Variants in FER observed in about 807,000 individuals in gnomAD.
The protein encoded by FER is tyrosine-protein kinase Fer.
Under a neutral mutation model 111.0 loss-of-function variants are expected in FER, and 63 were observed. That is an observed-to-expected ratio of 0.57 (90% CI 0.46 to 0.70). The LOEUF (loss-of-function observed/expected upper bound fraction) is 0.70, where lower values mean the gene tolerates loss of function less well. Ranked by LOEUF, FER falls within the 30% of genes least tolerant of loss-of-function variation. FER has a pLI of 0.00. For missense variants in FER, 914 were observed against 954.0 expected, an observed-to-expected ratio of 0.96 and a Z score of 0.55; for synonymous variants, 327 against 313.9, an observed-to-expected ratio of 1.04 and a Z score of -0.44.
At chr5:109,187,408 TG>T (rs749700267) in intron 19 of FER, 24 bp from the exon 20 acceptor site, 2 of 1,607,450 alleles carry the variant, frequency 1.2e-6, no homozygotes, top group Non-Finnish European at 1.7e-6. Flanking sequence ...TTCTAAATTC[TG>T]TTCTCCTTCT....
chr5:109,147,507 A>G (rs879506961), intron 17 of FER, among the ~76,000 whole-genome samples: 34 of 152,174 alleles, frequency 2.2e-4, no homozygotes, highest in Admixed American at 2.2e-3. Context: ...TTTTCAAAAA[A>G]AGAAAAAAAT....
chr5:108,924,710 G>A (rs1753504213), intron 10 of FER: 1 of 1,232,054 alleles, frequency 8.1e-7, no homozygotes, highest in Non-Finnish European at 1.0e-6. Flanking sequence ...CTGGAGTCTG[G>A]TTTCGGCTCC....
intron 3 of FER, among the ~76,000 whole-genome samples, chr5:108,823,690 A>G (rs1021919368): frequency 6.6e-6 from 1 of 152,100 alleles, no homozygotes; most frequent in Non-Finnish European, 1.5e-5. Context: ...TTCCCTTATT[A>G]GATATATAAT....
chr5:108,943,326 G>A (rs895271553), intron 10 of FER, among the ~76,000 whole-genome samples: 3 of 152,138 alleles, frequency 2.0e-5, no homozygotes, highest in African/African-American at 7.2e-5. Flanking sequence ...TTCTGATGTG[G>A]AAACTGAGAG....
At chr5:108,916,863 G>A (rs1262854024) in intron 10 of FER, among the ~76,000 whole-genome samples, 1 of 151,848 alleles carries the variant, frequency 6.6e-6, no homozygotes, top group East Asian at 1.9e-4. Context: ...TAGACTTTTT[G>A]GATAACTGCC....
chr5:109,110,812 C>T (rs575182957), intron 17 of FER, among the ~76,000 whole-genome samples: 13 of 152,122 alleles, frequency 8.5e-5, no homozygotes, highest in East Asian at 1.9e-4. Context: ...ACAATTTTAA[C>T]GTATTACTCC....
At chr5:108,934,733 G>A (rs1755211035) in intron 10 of FER, among the ~76,000 whole-genome samples, 1 of 152,120 alleles carries the variant, frequency 6.6e-6, no homozygotes. Context: ...TGCTACTGCT[G>A]AGCTGTAAAT....
intron 3 of FER, among the ~76,000 whole-genome samples, chr5:108,815,186 G>A (rs1758154884): frequency 6.6e-6 from 1 of 152,056 alleles, no homozygotes; most frequent in Non-Finnish European, 1.5e-5. Flanking sequence ...GGATAACTTT[G>A]AATAGGTGTA....
At chr5:109,030,627 C>G (rs1325798602) in intron 13 of FER, among the ~76,000 whole-genome samples, 3 of 152,082 alleles carry the variant, frequency 2.0e-5, no homozygotes, top group African/African-American at 7.2e-5. Flanking sequence ...AGGGAATTCC[C>G]CAAGTCTGGG....
intron 17 of FER, among the ~76,000 whole-genome samples, chr5:109,104,595 C>T (rs1422108259): frequency 6.6e-6 from 1 of 151,930 alleles, no homozygotes; most frequent in Non-Finnish European, 1.5e-5. Context: ...AGCAAAGTTA[C>T]AATGCTTTGT....
chr5:108,889,076 G>A (rs1226336621), intron 9 of FER, among the ~76,000 whole-genome samples: 1 of 151,714 alleles, frequency 6.6e-6, no homozygotes, highest in African/African-American at 2.4e-5. Context: ...AGATTATTTG[G>A]GTAGGCGCCC....
At chr5:108,947,233 A>G (rs1337883269) in intron 11 of FER, among the ~76,000 whole-genome samples, 2 of 151,996 alleles carry the variant, frequency 1.3e-5, no homozygotes, top group African/African-American at 4.8e-5. Context: ...TCTGGGTTAT[A>G]TGGTAATAAT....
chr5:108,778,617 T>C (rs1363038146), intron 2 of FER, among the ~76,000 whole-genome samples: 1 of 152,210 alleles, frequency 6.6e-6, no homozygotes, highest in East Asian at 1.9e-4. Flanking sequence ...TTATTTTCTG[T>C]CCGTGTATAT....
intron 19 of FER, 101 bp downstream of exon 19, chr5:109,186,423 G>T: frequency 6.4e-7 from 1 of 1,559,380 alleles, no homozygotes. Context: ...AATACTGTTT[G>T]GTTGTGTTAT....
chr5:109,013,394 A>G (rs1459945043), intron 13 of FER, among the ~76,000 whole-genome samples: 4 of 151,650 alleles, frequency 2.6e-5, no homozygotes, highest in African/African-American at 9.7e-5. Flanking sequence ...CCATGTCCCT[A>G]CAGAGGACAT....
chr5:109,053,971 G>C (rs549034426), intron 16 of FER, among the ~76,000 whole-genome samples: 1 of 152,024 alleles, frequency 6.6e-6, no homozygotes, highest in Non-Finnish European at 1.5e-5. Context: ...GATTACAGAC[G>C]TGAGCCACTG....
At chr5:109,082,118 G>A (rs72796552) in intron 16 of FER, among the ~76,000 whole-genome samples, 8,412 of 152,018 alleles carry the variant, frequency 0.055, 296 homozygotes, top group Middle Eastern at 0.15. Flanking sequence ...CCTGAAATAA[G>A]CACCTATATT....
chr5:109,077,051 A>G (rs991107735), intron 16 of FER, among the ~76,000 whole-genome samples: 2 of 152,154 alleles, frequency 1.3e-5, no homozygotes, highest in African/African-American at 4.8e-5. Context: ...CCTTTTATAT[A>G]CCATCATAAA....
chr5:108,920,940 C>T (rs1309994575), intron 10 of FER, among the ~76,000 whole-genome samples: 1 of 152,168 alleles, frequency 6.6e-6, no homozygotes, highest in Non-Finnish European at 1.5e-5. Context: ...CCATCACACT[C>T]CAGCCATTGA....
Sources: allele counts gnomAD v4.1 joint callset (sites outside exome capture counted in the v4.1 genomes callset), GRCh38; gene constraint gnomAD v4.1.1; transcripts MANE v1.5; gene names NCBI Gene and HGNC (gene_info 2026-07-23, HGNC 2026-07-21).